Variants in GET4 observed in about 807,000 individuals in gnomAD.
GET4 encodes Golgi to ER traffic protein 4 homolog.
In GET4, 20 loss-of-function variants were observed where a neutral mutation model predicts 40.0. The ratio of observed to expected loss-of-function variants is 0.50; its 90% CI spans 0.35 to 0.73. GET4 has a LOEUF of 0.73. GET4 is among the 30% of genes least tolerant of loss of function. The pLI is 0.01. For missense variants in GET4, 557 were observed against 454.0 expected (o/e 1.23, Z -2.06); for synonymous variants, 280 against 194.6 (o/e 1.44, Z -3.65).
chr7:885,787 C>T (rs1000533959), intron 1 of GET4: 1 of 454,552 alleles, frequency 2.2e-6, no homozygotes, highest in Non-Finnish European at 4.0e-6. Context: ...AACCGGTGAG[C>T]TGCTCCAGGG....
chr7:886,368 A>G (rs957932296), intron 2 of GET4: 2 of 608,472 alleles, frequency 3.3e-6, no homozygotes, highest in Middle Eastern at 4.3e-4. Context: ...TTGTGTTGGT[A>G]TAAACGTCCC....
At position 894,011 on chromosome 7, in the gene GET4, G is replaced by T. The variant is rs745669919; in HGVS notation, c.895+40G>T. ...CCTTGTCACACCCACTCCAGCCCTG[G>T]GTCGGTGTGGGGTCATCATCTCTGC... On this transcript the variant is annotated intron_variant, in intron 8 of 8. Coordinates refer to ENST00000265857, the MANE Select transcript of GET4 (RefSeq NM_015949.3). 6 of 1,400,840 alleles carry T rather than the reference G, an allele frequency of 4.3e-6. No homozygotes were observed. In the South Asian group the frequency reaches 7.9e-5, roughly 19 times the overall value. 86.8% of individuals were successfully genotyped at this position (1,400,840 alleles called of 1,614,324 possible).
rs1253486813 is a variant in GET4 at position 878,184 on chromosome 7, T to C, written c.155+1384T>C. On this transcript the variant is annotated intron_variant, in intron 1 of 8. Transcript: ENST00000265857. ...GAGGGCGAGCGCGAGCAGAGCTGGC[T>C]ATGCTGGGTTAACTGCACGCCCCTC... is the stretch of plus-strand genomic sequence containing the variant. The C allele has an allele frequency of 1.3e-5, 6 of 456,942 alleles. 1 individual carries two copies. Among genetic ancestry groups the C allele is most frequent in the Middle Eastern group, 7.1e-4 (2 of 2,836 alleles). 28.3% of individuals were successfully genotyped at this position (456,942 alleles called of 1,614,324 possible). A position where few individuals can be genotyped will look rare whatever the true frequency, so the allele number is the denominator to read the frequency against.
intron 6 of GET4, among the ~76,000 whole-genome samples, 163 bp from the exon 7 acceptor site, chr7:893,577 T>TTTG (rs1554268636): frequency 5.5e-5 from 6 of 109,852 alleles, no homozygotes; most frequent in African/African-American, 1.9e-4. Context: ...GGCGTGGTGG[T>TTTG]TGCAGGTGAG....
At position 892,316 on chromosome 7, in the gene GET4, T is replaced by C. The variant is rs145502500; in HGVS notation, c.644T>C (p.Val215Ala). 2.4e-5 allele frequency: 39 copies of C among 1,593,066 alleles called. No individual in the cohort carries two copies. The highest frequency in any genetic ancestry group is 1.7e-4 in the Middle Eastern group (1 of 5,994). The part of the protein sequence containing the change: ...CLKNKSSASV[V>A]FTTYTQKHPS... ...AAAAACAAAAGTAGCGCATCGGTGGTCTTCACGACGTACACCCAGAAGCAC... is the reference window on the plus strand; with the variant it reads ...AAAAACAAAAGTAGCGCATCGGTGGCCTTCACGACGTACACCCAGAAGCAC... The change falls in exon 6 of 9, where the codon GTC becomes GCC. Residue 215 changes from valine (V) to alanine (A), a missense_variant. By Grantham distance (64) the Val-to-Ala change is moderately conservative. Transcript: ENST00000265857.
At chr7:891,560 G>A (rs1844322637) in intron 5 of GET4, among the ~76,000 whole-genome samples, 1 of 152,046 alleles carries the variant, frequency 6.6e-6, no homozygotes, top group African/African-American at 2.4e-5. Flanking sequence ...GGGGCGTCCT[G>A]CAGGCCAGGC....
chr7:893,721 C>A lies in GET4; in HGVS notation c.747-19C>A. On this transcript the variant is annotated intron_variant, in intron 6 of 8. Transcript: ENST00000265857. ...CCTGTTCTGCTCACCCAGCACATCC[C>A]TGTGTGTCTCTGTCCCAGTGGGAAG... 1 of 1,556,178 alleles carries A rather than the reference C, an allele frequency of 6.4e-7. No homozygotes were observed. The highest frequency in any genetic ancestry group is 8.8e-7 in the Non-Finnish European group (1 of 1,132,254).
Position 892,243 on chromosome 7 carries a change from C to T in GET4, c.606-35C>T, listed in dbSNP as rs183474040. On this transcript the variant is annotated intron_variant, in intron 5 of 8. Transcript: ENST00000265857. Reference sequence around the variant, plus strand: ...CTGTGCGGGCAGAAGCTGTGTCCTCCAGCCCTTCCACCACCAGCATGTTCT... The same window carrying T: ...CTGTGCGGGCAGAAGCTGTGTCCTCTAGCCCTTCCACCACCAGCATGTTCT... 108 of 1,581,494 alleles carry T rather than the reference C, an allele frequency of 6.8e-5. 1 individual carries two copies. The African/African-American group carries it at 1.1e-3, about 16-fold the overall frequency.
At chr7:895,310 C>G in intron 8 of GET4, 24 bp from the exon 9 acceptor site, 2 of 1,297,102 alleles carry the variant, frequency 1.5e-6, no homozygotes, top group Non-Finnish European at 2.2e-6. Context: ...CCAGGCGTGA[C>G]TGCCACGGTG....
intron 6 of GET4, among the ~76,000 whole-genome samples, chr7:893,530 T>C (rs1472324207): frequency 1.9e-4 from 22 of 115,504 alleles, no homozygotes; most frequent in Non-Finnish European, 8.7e-5. Flanking sequence ...GTGTTGGGTG[T>C]AGGCGTGGTG....
chr7:892,900 CTG>C (rs1206145519), intron 6 of GET4, among the ~76,000 whole-genome samples: 1 of 147,246 alleles, frequency 6.8e-6, no homozygotes, highest in African/African-American at 2.5e-5. Flanking sequence ...GTGTGGGTAG[CTG>C]TGGGGGTGTG....
chr7:887,356 T>C lies in GET4; in HGVS notation c.317-14T>C. The C allele has an allele frequency of 6.4e-7, 1 of 1,574,400 alleles. No homozygotes were observed. The highest frequency in any genetic ancestry group is 2.3e-5 in the East Asian group (1 of 44,318). On this transcript the variant is annotated splice_polypyrimidine_tract_variant and intron_variant, in intron 3 of 8. Transcript: ENST00000265857. Reference sequence around the variant, plus strand: ...GCCGTGCGTTCCTCTGATGAGGGTCTGTGCTGTTTGCAGAAAATCTGGCTA... The same window carrying C: ...GCCGTGCGTTCCTCTGATGAGGGTCCGTGCTGTTTGCAGAAAATCTGGCTA...
intron 2 of GET4, 137 bp from the exon 3 acceptor site, chr7:886,432 C>G (rs1844189865): frequency 1.5e-6 from 1 of 683,846 alleles, no homozygotes; most frequent in Non-Finnish European, 2.6e-6. Context: ...GCGGCATTGC[C>G]AAGGGACGTG....
In GET4 at chr7:895,643, C is replaced by T. The variant is rs558659161; in HGVS notation, c.*221C>T. The T allele has an allele frequency of 1.8e-4, 70 of 397,192 alleles. No homozygotes were observed. Among genetic ancestry groups the T allele is most frequent in the East Asian group, 5.6e-4 (14 of 25,066 alleles). The allele number at this position is 397,192 out of a possible 1,614,324, so 24.6% of individuals were successfully genotyped here. On this transcript the variant is annotated 3_prime_UTR_variant, in exon 9 of 9. Coordinates refer to ENST00000265857, the MANE Select transcript of GET4 (RefSeq NM_015949.3). ...GTGGGGCGTCGCCCCTGCTGGCCGCCGCGTCCCCCGAGATTGACCCACAAT... is the reference window on the plus strand; with the variant it reads ...GTGGGGCGTCGCCCCTGCTGGCCGCTGCGTCCCCCGAGATTGACCCACAAT...
intron 2 of GET4, 175 bp downstream of exon 2, chr7:886,309 AAGACTGGGGCTCTGCGCTGCGTT>A: frequency 1.6e-6 from 1 of 613,950 alleles, no homozygotes; most frequent in South Asian, 1.9e-5. Flanking sequence ...CTCCACTCTC[AAGACTGGGGCTCTGCGCTGCGTT>A]TGTGCACGAT....
intron 1 of GET4, among the ~76,000 whole-genome samples, chr7:879,399 A>C (rs1401869740): frequency 6.6e-6 from 1 of 152,158 alleles, no homozygotes; most frequent in Non-Finnish European, 1.5e-5. Flanking sequence ...GAAATGAGAA[A>C]AGAGGAGTGT....
chr7:886,683 T>G, intron 3 of GET4, 33 bp downstream of exon 3: 2 of 1,462,000 alleles, frequency 1.4e-6, no homozygotes, highest in Non-Finnish European at 1.9e-6. Flanking sequence ...CGGGACCCTG[T>G]GACAGCGGCC....
At position 886,559 on chromosome 7, in the gene GET4, T is replaced by A. The variant is rs1844192087; in HGVS notation, c.235-10T>A. 1 of 1,604,068 alleles carries A rather than the reference T, an allele frequency of 6.2e-7. No homozygotes were observed. ...TGTTCTTGATTCTTGTGTGTTGCTTTCTCTTGTAGCAAAACAGTGCAGCAG... is the reference window on the plus strand; with the variant it reads ...TGTTCTTGATTCTTGTGTGTTGCTTACTCTTGTAGCAAAACAGTGCAGCAG... On this transcript the variant is annotated splice_polypyrimidine_tract_variant and intron_variant, in intron 2 of 8. Transcript: ENST00000265857.
chr7:895,060 GTGGCTGCTCCA>G (rs1844445806), intron 8 of GET4, among the ~76,000 whole-genome samples: 1 of 151,572 alleles, frequency 6.6e-6, no homozygotes, highest in African/African-American at 2.4e-5. Context: ...GTAGGCCCCC[GTGGCTGCTCCA>G]TGGCCCCGTT....
Sources: gnomAD v4.1 joint callset for allele counts (sites outside exome capture counted in the v4.1 genomes callset) on GRCh38, gnomAD v4.1.1 for gene constraint, MANE v1.5 for transcripts, NCBI Gene and HGNC (gene_info 2026-07-23, HGNC 2026-07-21) for gene names.